Variants in KSR2 observed in about 807,000 individuals in gnomAD.
The protein encoded by KSR2 is kinase suppressor of ras 2.
In KSR2, 25 loss-of-function variants were observed where a neutral mutation model predicts 107.8. That is an observed-to-expected ratio of 0.23 (90% CI 0.17 to 0.32). The LOEUF (loss-of-function observed/expected upper bound fraction) is 0.32, where lower values mean the gene tolerates loss of function less well. Ranked by LOEUF, KSR2 falls within the 10% of genes least tolerant of loss-of-function variation. The pLI is 1.00. For missense variants in KSR2, 887 were observed against 1,268.9 expected (o/e 0.70, Z 4.57); for synonymous variants, 480 against 507.0 (o/e 0.95, Z 0.71).
intron 3 of KSR2, among the ~76,000 whole-genome samples, chr12:117,824,585 G>A (rs139457747): frequency 0.053 from 8,007 of 152,048 alleles, 289 homozygotes; most frequent in East Asian, 0.13. Flanking sequence ...GGCCGGGCGC[G>A]GTGGCTCATA....
At chr12:117,823,654 C>T (rs375651352) in intron 3 of KSR2, among the ~76,000 whole-genome samples, 1 of 152,100 alleles carries the variant, frequency 6.6e-6, no homozygotes, top group African/African-American at 2.4e-5. Flanking sequence ...AGGAGGAAGA[C>T]CAGGAGAGTG....
At chr12:117,757,803 A>G (rs964376013) in intron 4 of KSR2, among the ~76,000 whole-genome samples, 19 of 152,240 alleles carry the variant, frequency 1.2e-4, no homozygotes, top group African/African-American at 4.6e-4. Context: ...CACTTAATAG[A>G]CTACAGTATG....
intron 4 of KSR2, among the ~76,000 whole-genome samples, chr12:117,730,043 GC>G (rs1386881927): frequency 6.6e-6 from 1 of 152,178 alleles, no homozygotes; most frequent in Non-Finnish European, 1.5e-5. Flanking sequence ...GGCTCTGTGG[GC>G]CATATGGTAT....
chr12:117,537,589 T>C (rs927621282), intron 10 of KSR2, among the ~76,000 whole-genome samples: 1 of 152,230 alleles, frequency 6.6e-6, no homozygotes, highest in African/African-American at 2.4e-5. Context: ...GCGAGTTATT[T>C]GTCCAGCATC....
At chr12:117,734,480 C>A (rs1014211293) in intron 4 of KSR2, among the ~76,000 whole-genome samples, 2 of 152,154 alleles carry the variant, frequency 1.3e-5, no homozygotes, top group Non-Finnish European at 2.9e-5. Context: ...ATCTCACTAA[C>A]AGCTGGGGCC....
At chr12:117,952,155 TCACACACACA>T (rs112314585) in intron 1 of KSR2, among the ~76,000 whole-genome samples, 11 of 147,422 alleles carry the variant, frequency 7.5e-5, no homozygotes, top group African/African-American at 2.7e-4. Context: ...AATGTTCTCA[TCACACACACA>T]CACACACACA....
At chr12:117,611,448 A>ACACACACACACACACACGCG (rs1341275503) in intron 5 of KSR2, among the ~76,000 whole-genome samples, 7 of 151,796 alleles carry the variant, frequency 4.6e-5, no homozygotes, top group Non-Finnish European at 1.0e-4. Context: ...ACGCACAGAC[A>ACACACACACACACACACGCG]CACACACACA....
At chr12:117,949,008 C>T (rs1431503331) in intron 1 of KSR2, among the ~76,000 whole-genome samples, 1 of 152,002 alleles carries the variant, frequency 6.6e-6, no homozygotes, top group Non-Finnish European at 1.5e-5. Flanking sequence ...GCAGGAGAAT[C>T]GCTTGAACCC....
At chr12:117,825,960 T>G (rs1891729564) in intron 3 of KSR2, among the ~76,000 whole-genome samples, 1 of 8,176 alleles carries the variant, frequency 1.2e-4, no homozygotes, top group African/African-American at 5.4e-4. Context: ...GGTGGGTGGA[T>G]GGGTGGGTGG....
intron 4 of KSR2, among the ~76,000 whole-genome samples, chr12:117,760,102 G>T (rs1010101544): frequency 2.0e-5 from 3 of 152,064 alleles, no homozygotes; most frequent in African/African-American, 4.8e-5. Context: ...GCTAGACTCC[G>T]TCTCAAAAAA....
intron 3 of KSR2, among the ~76,000 whole-genome samples, chr12:117,768,719 G>A (rs1378808827): frequency 3.3e-5 from 5 of 152,124 alleles, no homozygotes; most frequent in African/African-American, 1.2e-4. Flanking sequence ...CTGTATATTA[G>A]AAGAGAAAAA....
chr12:117,565,370 T>G lies in KSR2; in HGVS notation c.1326-6797A>C, dbSNP rs77924706. ...CTTCCAGAGTGCACATGGAACATTT[T>G]AAAAACCTGGCTCCTAATATCCAAT... On this transcript the variant is annotated intron_variant, in intron 7 of 19. Transcript: ENST00000339824. 1.9e-3 allele frequency among the ~76,000 whole-genome samples: 291 copies of G among 152,352 alleles called. 1 individual carries two copies. The highest frequency in any genetic ancestry group is 6.6e-3 in the African/African-American group (276 of 41,592).
intron 14 of KSR2, among the ~76,000 whole-genome samples, chr12:117,502,630 A>G (rs1873448711): frequency 6.6e-6 from 1 of 152,164 alleles, no homozygotes; most frequent in East Asian, 1.9e-4. Flanking sequence ...AAAACTATTG[A>G]CACTGTGTAT....
chr12:117,704,243 T>C (rs567880247), intron 4 of KSR2, among the ~76,000 whole-genome samples: 4 of 152,298 alleles, frequency 2.6e-5, no homozygotes, highest in Admixed American at 2.6e-4. Flanking sequence ...TCCAAATAGC[T>C]GCAGCCACTA....
intron 4 of KSR2, among the ~76,000 whole-genome samples, chr12:117,747,695 G>C (rs1215505355): frequency 6.6e-6 from 1 of 152,038 alleles, no homozygotes; most frequent in East Asian, 1.9e-4. Context: ...ATCGATTTAT[G>C]AAAAAATACT....
At chr12:117,597,738 T>C (rs573823187) in intron 5 of KSR2, among the ~76,000 whole-genome samples, 11 of 152,334 alleles carry the variant, frequency 7.2e-5, no homozygotes, top group Non-Finnish European at 1.5e-4. Context: ...CGTAGCCAAG[T>C]ATTAAATATT....
At chr12:117,840,937 G>T (rs1248371585) in intron 3 of KSR2, among the ~76,000 whole-genome samples, 1 of 152,036 alleles carries the variant, frequency 6.6e-6, no homozygotes, top group Non-Finnish European at 1.5e-5. Flanking sequence ...GGGAGGCAGA[G>T]GTTGCAGTGA....
At position 117,860,278 on chromosome 12, in the gene KSR2, C is replaced by T. The variant is rs1407936898; in HGVS notation, c.321+13G>A. On this transcript the variant is annotated intron_variant, in intron 2 of 19. Coordinates refer to ENST00000339824, the MANE Select transcript of KSR2 (RefSeq NM_173598.6). ...CAGTAAGGGGCAGGGGACACAGGGG[C>T]CCCCCAGGTCACCTCCAGGACCTCC... 1.9e-6 allele frequency: 3 copies of T among 1,602,822 alleles called. No individual in the cohort carries two copies. Among genetic ancestry groups the T allele is most frequent in the Non-Finnish European group, 2.6e-6 (3 of 1,171,620 alleles).
intron 14 of KSR2, among the ~76,000 whole-genome samples, chr12:117,497,076 C>G (rs1237606063): frequency 6.6e-6 from 1 of 151,904 alleles, no homozygotes; most frequent in Non-Finnish European, 1.5e-5. Context: ...CAGGGTATCA[C>G]CATGTTGTCC....
Sources: allele counts gnomAD v4.1 joint callset (sites outside exome capture counted in the v4.1 genomes callset), GRCh38; gene constraint gnomAD v4.1.1; transcripts MANE v1.5; gene names NCBI Gene and HGNC (gene_info 2026-07-23, HGNC 2026-07-21).